The following ZNF263 variants were observed in gnomAD, a reference collection of about 807,000 sequenced individuals.
The protein encoded by ZNF263 is zinc finger protein FPM315.
In ZNF263, 49 loss-of-function variants were observed where a neutral mutation model predicts 63.1. The ratio of observed to expected loss-of-function variants is 0.78; its 90% confidence interval spans 0.62 to 0.99. The LOEUF (loss-of-function observed/expected upper bound fraction) is 0.99, where lower values mean the gene tolerates loss of function less well. Among genes scored for constraint, ZNF263 ranks in the 50% least tolerant of loss-of-function variants. The pLI, the probability that ZNF263 is intolerant of heterozygous loss-of-function variation, is 0.00. For synonymous variants in ZNF263, 352 were observed against 324.2 expected, an observed-to-expected ratio of 1.09 and a Z score of -0.92; for missense variants, 872 against 854.8, an observed-to-expected ratio of 1.02 and a Z score of -0.25.
rs1215493351 is a variant in ZNF263, at chr16:3,286,013, G to T, written c.643-10G>T. ...CATCAGGGGCTAAAGGAGATCTTGT[G>T]CTGTTTCAGTTGCCTGAGAGCTTAG... On this transcript the variant is annotated splice_polypyrimidine_tract_variant and intron_variant, in intron 3 of 5. Transcript: ENST00000219069. 2.5e-6 allele frequency: 4 copies of T among 1,614,000 alleles called. No homozygotes were observed. Among genetic ancestry groups the T allele is most frequent in the Non-Finnish European group, 3.4e-6 (4 of 1,179,958 alleles).
intron 2 of ZNF263, 111 bp from the exon 3 acceptor site, chr16:3,285,570 C>A: frequency 8.9e-7 from 1 of 1,125,864 alleles, no homozygotes; most frequent in Non-Finnish European, 1.3e-6. Flanking sequence ...AGTTTAGCGT[C>A]ATTCCCAAAA....
At chr16:3,297,047 G>A (rs899550002) in intron 1 of ZNF263, among the ~76,000 whole-genome samples, 15 of 152,094 alleles carry the variant, frequency 9.9e-5, no homozygotes, top group African/African-American at 2.7e-4. Context: ...GCTCACACCC[G>A]TAATCGCAGC....
rs748934493 is a variant in ZNF263, at chr16:3,290,598, A to T, written c.*40A>T. The T allele has an allele frequency of 6.5e-6, 10 of 1,549,418 alleles. No homozygotes were observed. In the Admixed American group the frequency reaches 2.0e-4, roughly 31 times the overall value. On this transcript the variant is annotated 3_prime_UTR_variant, in exon 6 of 6. Coordinates refer to ENST00000219069, the MANE Select transcript of ZNF263 (RefSeq NM_005741.5). The stretch of plus-strand genomic sequence containing the variant: ...CTCTTTGCCCCAGGTGAGGTGGCAT[A>T]TTCAGAGGAGCCTGTTGGCAAGAGC...
Position 3,290,182 on chromosome 16 carries a change from C to T in ZNF263, c.1676C>T (p.Thr559Ile), listed in dbSNP as rs147916892. 6.2e-7 allele frequency: 1 copy of T among 1,614,106 alleles called. No homozygotes were observed. The highest frequency in any genetic ancestry group is 8.5e-7 in the Non-Finnish European group (1 of 1,180,020). ...SECGEAVSDS[T>I]PFLTNHGAHK... The stretch of plus-strand genomic sequence containing the variant: ...TGTGGGGAAGCTGTGAGTGACAGCA[C>T]CCCCTTTCTTACAAACCATGGAGCC... Residue 559 changes from threonine to isoleucine, a missense_variant, in exon 6 of 6, where the codon ACC (threonine) becomes ATC (isoleucine). By Grantham distance (89) the Thr-to-Ile change is moderately conservative. Transcript: ENST00000219069.
At position 3,291,289 on chromosome 16, in the gene ZNF263, G is replaced by GA. The variant is rs1384328496; in HGVS notation, c.*736dup. The stretch of plus-strand genomic sequence containing the variant: ...AATGAGATTCCCCCCACCTGTGTGA[G>GA]AAAAATAAACAGCTCTGGAGTCTTG... On this transcript the variant is annotated 3_prime_UTR_variant, in exon 6 of 6. Coordinates refer to ENST00000219069, the MANE Select transcript of ZNF263 (RefSeq NM_005741.5). 5.1e-6 allele frequency: 5 copies of GA among 985,270 alleles called. No individual in the cohort carries two copies. The highest frequency in any genetic ancestry group is 1.2e-4 in the Admixed American group (2 of 16,254). The allele number at this position is 985,270 out of a possible 1,614,324, so 61.0% of individuals were successfully genotyped here. A position where few individuals can be genotyped will look rare whatever the true frequency, so the allele number is the denominator to read the frequency against.
downstream of ZNF263, chr16:3,293,001 G>C (rs892639977): frequency 6.6e-6 from 1 of 152,226 alleles, no homozygotes; most frequent in Non-Finnish European, 1.5e-5. Flanking sequence ...AGGAATTTCA[G>C]GGACTGATGA....
At chr16:3,286,511 TA>T in intron 4 of ZNF263, 1 of 160,872 alleles carries the variant, frequency 6.2e-6, no homozygotes. Context: ...TGCTTATTCT[TA>T]TGAGCTCGCC....
intron 1 of ZNF263, among the ~76,000 whole-genome samples, chr16:3,296,951 T>G (rs756057163): frequency 1.3e-5 from 2 of 152,182 alleles, no homozygotes; most frequent in Non-Finnish European, 2.9e-5. Flanking sequence ...TGAAGTTGAC[T>G]TAAGATAGTA....
downstream of ZNF263, among the ~76,000 whole-genome samples, chr16:3,295,797 G>C (rs528424481): frequency 1.3e-5 from 2 of 152,358 alleles, no homozygotes; most frequent in East Asian, 3.9e-4. Context: ...AGGGAGCCTG[G>C]ACCAGGGCAG....
chr16:3,284,969 T>A, intron 1 of ZNF263, 90 bp from the exon 2 acceptor site: 2 of 1,498,000 alleles, frequency 1.3e-6, no homozygotes, highest in Non-Finnish European at 1.8e-6. Context: ...CCTGAGGTTC[T>A]CTGTTGAAGG....
chr16:3,288,580 G>A lies in ZNF263; in HGVS notation c.886+10G>A. The A allele has an allele frequency of 6.3e-7, 1 of 1,592,552 alleles. No individual in the cohort carries two copies. Among genetic ancestry groups the A allele is most frequent in the African/African-American group, 1.3e-5 (1 of 74,278 alleles). On this transcript the variant is annotated intron_variant, in intron 5 of 5. Coordinates refer to ENST00000219069, the MANE Select transcript of ZNF263 (RefSeq NM_005741.5). ...AGAGGCCCAGCTCCAGGTAAGGAAT[G>A]AAGACAAGTGGCCTGCGCAGCAAGC...
downstream of ZNF263, among the ~76,000 whole-genome samples, chr16:3,295,150 T>G (rs1159948653): frequency 2.0e-5 from 3 of 152,174 alleles, no homozygotes; most frequent in Non-Finnish European, 4.4e-5. Flanking sequence ...AGCAGACGCC[T>G]CCTGCTCCGC....
downstream of ZNF263, among the ~76,000 whole-genome samples, chr16:3,293,723 G>C (rs995596585): frequency 1.3e-5 from 2 of 152,258 alleles, no homozygotes; most frequent in African/African-American, 2.4e-5. Flanking sequence ...TCTAAGCCCT[G>C]TGAAAAGGCC....
chr16:3,289,378 C>T lies in ZNF263; in HGVS notation c.887-15C>T. On this transcript the variant is annotated splice_polypyrimidine_tract_variant and intron_variant, in intron 5 of 5. Coordinates refer to ENST00000219069, the MANE Select transcript of ZNF263 (RefSeq NM_005741.5). The stretch of plus-strand genomic sequence containing the variant: ...TAGAAATAATGTACGGGTTTGGTTT[C>T]TCTCTCTCTACCAGGAGAAGAGAAA... 6.7e-7 allele frequency: 1 copy of T among 1,503,354 alleles called. No homozygotes were observed. The highest frequency in any genetic ancestry group is 8.9e-7 in the Non-Finnish European group (1 of 1,126,720). 93.1% of individuals were successfully genotyped at this position (1,503,354 alleles called of 1,614,324 possible).
At chr16:3,285,458 G>T (rs977078856) in intron 2 of ZNF263, among the ~76,000 whole-genome samples, 2 of 152,168 alleles carry the variant, frequency 1.3e-5, no homozygotes, top group African/African-American at 2.4e-5. Flanking sequence ...GAACAGAGGC[G>T]ATTTAGAACC....
Position 3,289,416 on chromosome 16 carries a change from G to C in ZNF263, c.910G>C (p.Glu304Gln). The change falls in exon 6 of 6, where the codon GAA (glutamate) becomes CAA (glutamine). Residue 304 changes from glutamate to glutamine, a missense_variant. Coordinates refer to ENST00000219069, the MANE Select transcript of ZNF263 (RefSeq NM_005741.5). ...AGGAGAAGAGAAATTTGAGAACCTGGAAGGTGTTCCGTCTGTATGCTCTGA... is the reference window on the plus strand; with the variant it reads ...AGGAGAAGAGAAATTTGAGAACCTGCAAGGTGTTCCGTCTGTATGCTCTGA... ...APGEEKFENL[E>Q]GVPSVCSENI... is the part of the protein sequence containing the mutation. 6.6e-7 allele frequency: 1 copy of C among 1,512,300 alleles called. No homozygotes were observed. Among genetic ancestry groups the C allele is most frequent in the East Asian group, 2.3e-5 (1 of 43,894 alleles). The allele number at this position is 1,512,300 out of a possible 1,614,324, so 93.7% of individuals were successfully genotyped here.
intron 2 of ZNF263, chr16:3,300,330 A>T (rs761438067): frequency 6.2e-7 from 1 of 1,614,234 alleles, no homozygotes; most frequent in Non-Finnish European, 8.5e-7. Flanking sequence ...TTACCGGAAC[A>T]CCGGCTGAGC....
At chr16:3,288,415 A>G (rs770285971) in intron 4 of ZNF263, 39 bp from the exon 5 acceptor site, 1 of 1,459,776 alleles carries the variant, frequency 6.9e-7, no homozygotes, top group East Asian at 2.3e-5. Flanking sequence ...GGTAGAGGAA[A>G]GTGGCAGTAC....
chr16:3,287,804 C>T (rs567777112), intron 4 of ZNF263, among the ~76,000 whole-genome samples: 15 of 151,766 alleles, frequency 9.9e-5, no homozygotes, highest in Non-Finnish European at 1.8e-4. Context: ...AAATTTAGTT[C>T]TATTTTGTAT....
Sources: gnomAD v4.1 joint callset for allele counts (sites outside exome capture counted in the v4.1 genomes callset) on GRCh38, gnomAD v4.1.1 for gene constraint, MANE v1.5 for transcripts, NCBI Gene and HGNC (gene_info 2026-07-23, HGNC 2026-07-21) for gene names.